Variants in TACR3 observed in about 807,000 individuals in gnomAD.
The protein encoded by TACR3 is neuromedin-K receptor.
Under a neutral mutation model 35.0 loss-of-function variants are expected in TACR3, and 34 were observed. The ratio of observed to expected loss-of-function variants is 0.97; its 90% confidence interval spans 0.74 to 1.30. The LOEUF is 1.30. Among genes scored for constraint, TACR3 ranks in the 50% most tolerant of loss-of-function variants. The pLI is 0.00. For synonymous variants in TACR3, 233 were observed against 221.1 expected, an observed-to-expected ratio of 1.05 and a Z score of -0.48; for missense variants, 558 against 591.7, an observed-to-expected ratio of 0.94 and a Z score of 0.59.
At chr4:103,702,797 A>G (rs933163088) in intron 1 of TACR3, among the ~76,000 whole-genome samples, 3 of 151,176 alleles carry the variant, frequency 2.0e-5, no homozygotes, top group Admixed American at 2.0e-4. Flanking sequence ...AAACTATCAC[A>G]AGGACAAAAA....
At chr4:103,715,680 ATATGT>A (rs1430806326) in intron 1 of TACR3, among the ~76,000 whole-genome samples, 1 of 152,166 alleles carries the variant, frequency 6.6e-6, no homozygotes, top group African/African-American at 2.4e-5. Flanking sequence ...TTCATTTACT[ATATGT>A]TATAATAAAA....
Position 103,658,548 on chromosome 4 carries a change from G to T in TACR3, c.549-145C>A, listed in dbSNP as rs938822425. The T allele has an allele frequency of 1.1e-5, 8 of 715,938 alleles. No individual in the cohort carries two copies. The African/African-American group carries it at 1.2e-4, about 11-fold the overall frequency. 44.3% of individuals were successfully genotyped at this position (715,938 alleles called of 1,614,324 possible). ...AGTTGATAAGGACTGCTTGAGTAGA[G>T]GCAGCGTAGAATGGTAATCATGGCA... On this transcript the variant is annotated intron_variant, in intron 1 of 4. Coordinates refer to ENST00000304883, the MANE Select transcript of TACR3 (RefSeq NM_001059.3).
intron 3 of TACR3, among the ~76,000 whole-genome samples, chr4:103,635,391 G>T (rs531000215): frequency 6.6e-6 from 1 of 151,898 alleles, no homozygotes; most frequent in Non-Finnish European, 1.5e-5. Context: ...TTTTTGAGGG[G>T]AGAGGTCTCC....
intron 1 of TACR3, among the ~76,000 whole-genome samples, chr4:103,676,514 T>C (rs1482349757): frequency 6.6e-6 from 1 of 152,020 alleles, no homozygotes; most frequent in African/African-American, 2.4e-5. Context: ...CAAACAAATA[T>C]AGTGTGTTAA....
At chr4:103,608,730 T>C (rs1046178711) in intron 3 of TACR3, among the ~76,000 whole-genome samples, 10 of 151,984 alleles carry the variant, frequency 6.6e-5, no homozygotes, top group Non-Finnish European at 1.3e-4. Context: ...TCTAACAGAG[T>C]ATGAGCAAAT....
At chr4:103,628,442 C>T (rs890370906) in intron 3 of TACR3, among the ~76,000 whole-genome samples, 3 of 152,012 alleles carry the variant, frequency 2.0e-5, no homozygotes, top group Non-Finnish European at 2.9e-5. Flanking sequence ...ATCAAATATA[C>T]ACAATAAAAA....
rs368975103 is a variant in TACR3 at position 103,658,263 on chromosome 4, C to T, written c.689G>A (p.Arg230His). 2.5e-5 allele frequency: 41 copies of T among 1,613,756 alleles called. No individual in the cohort carries two copies. Among genetic ancestry groups the T allele is most frequent in the East Asian group, 2.0e-4 (9 of 44,864 alleles). ...TGGCCATTGCACAAAGCAGAGAGTA[C>T]GGCCTGGCATGACTTTGGTTTTGGA... Reference protein sequence around the residue: ...LYSKTKVMPGRTLCFVQWPEG... With the variant: ...LYSKTKVMPGHTLCFVQWPEG... The change falls in exon 2 of 5, where the codon CGT (arginine) becomes CAT (histidine). Residue 230 changes from arginine (R) to histidine (H), a missense_variant. Transcript: ENST00000304883.
At chr4:103,656,054 G>T (rs1725727405) in intron 3 of TACR3, 140 bp downstream of exon 3, 10 of 1,073,900 alleles carry the variant, frequency 9.3e-6, no homozygotes, top group Non-Finnish European at 1.4e-5. Flanking sequence ...CAAAAGAAAA[G>T]AAAAAAAATT....
intron 3 of TACR3, among the ~76,000 whole-genome samples, chr4:103,639,361 T>G (rs1198926883): frequency 6.6e-6 from 1 of 152,006 alleles, no homozygotes. Flanking sequence ...AAACACTGCA[T>G]GTTCTCACTC....
intron 2 of TACR3, among the ~76,000 whole-genome samples, chr4:103,657,573 A>G (rs1725756028): frequency 6.6e-6 from 1 of 152,046 alleles, no homozygotes; most frequent in Admixed American, 6.6e-5. Context: ...AAATAGAAAA[A>G]TAAGTACATT....
rs543298597 is a variant in TACR3, at chr4:103,629,539, A to G, written c.888+26655T>C. On this transcript the variant is annotated intron_variant, in intron 3 of 4. Transcript: ENST00000304883. ...AAATCATGAGTGAACTCCCATTCAC[A>G]ATTGCTACAAAGAGAATAAAATACC... Among the ~76,000 whole-genome samples, 12 of 152,278 alleles carry G rather than the reference A, an allele frequency of 7.9e-5. No individual in the cohort carries two copies. The South Asian group carries it at 2.5e-3, about 32-fold the overall frequency.
At position 103,719,505 on chromosome 4, in the gene TACR3, C is replaced by A. The variant is rs1178329837; in HGVS notation, c.171G>T (p.Ala57=). The A allele has an allele frequency of 1.2e-6, 2 of 1,610,682 alleles. No homozygotes were observed. Among genetic ancestry groups the A allele is most frequent in the Admixed American group, 1.7e-5 (1 of 59,958 alleles). Residue 57 remains alanine (A), a synonymous_variant, in exon 1 of 5, where the codon GCG becomes GCT. Coordinates refer to ENST00000304883, the MANE Select transcript of TACR3 (RefSeq NM_001059.3). ...QAGNLSSSPS[A]LGLPVASPAP... Reference sequence around the variant, plus strand: ...CGGGGGAAGCCACAGGCAGTCCCAGCGCGGAAGGGGAGGAGGAGAGGTTGC... The same window carrying A: ...CGGGGGAAGCCACAGGCAGTCCCAGAGCGGAAGGGGAGGAGGAGAGGTTGC...
At chr4:103,663,053 G>T (rs76863847) in intron 1 of TACR3, among the ~76,000 whole-genome samples, 3,146 of 152,266 alleles carry the variant, frequency 0.021, 127 homozygotes, top group African/African-American at 0.072. Flanking sequence ...AAGAGGGAAG[G>T]TGGTTTAAGA....
chr4:103,716,785 T>G (rs940965172), intron 1 of TACR3, among the ~76,000 whole-genome samples: 3 of 152,218 alleles, frequency 2.0e-5, no homozygotes, highest in Non-Finnish European at 4.4e-5. Context: ...GCTAGGTTGA[T>G]ATAATTCAGT....
At chr4:103,610,222 TAC>T (rs1296259062) in intron 3 of TACR3, among the ~76,000 whole-genome samples, 1 of 152,146 alleles carries the variant, frequency 6.6e-6, no homozygotes, top group Non-Finnish European at 1.5e-5. Flanking sequence ...TGTACTAGTT[TAC>T]AGTTTGTCCC....
At chr4:103,716,455 C>T (rs1723093088) in intron 1 of TACR3, among the ~76,000 whole-genome samples, 1 of 152,072 alleles carries the variant, frequency 6.6e-6, no homozygotes, top group African/African-American at 2.4e-5. Flanking sequence ...AGTAAACTTA[C>T]TAATATTATT....
chr4:103,713,326 C>G (rs1723013573), intron 1 of TACR3, among the ~76,000 whole-genome samples: 1 of 151,854 alleles, frequency 6.6e-6, no homozygotes, highest in Non-Finnish European at 1.5e-5. Flanking sequence ...TTTGTAGGGA[C>G]ATGGATGAAG....
chr4:103,679,126 T>C (rs868030129), intron 1 of TACR3, among the ~76,000 whole-genome samples: 1 of 152,116 alleles, frequency 6.6e-6, no homozygotes, highest in South Asian at 2.1e-4. Flanking sequence ...TGACATCCTC[T>C]ATGTTGCATT....
chr4:103,590,078 G>A, intron 4 of TACR3, 84 bp from the exon 5 acceptor site: 1 of 1,521,558 alleles, frequency 6.6e-7, no homozygotes, highest in South Asian at 1.2e-5. Context: ...TTCTACCTAA[G>A]GCAGTTATAA....
Sources: gnomAD v4.1 joint callset for allele counts (sites outside exome capture counted in the v4.1 genomes callset) on GRCh38, gnomAD v4.1.1 for gene constraint, MANE v1.5 for transcripts, NCBI Gene and HGNC (gene_info 2026-07-23, HGNC 2026-07-21) for gene names.